The following CSMD3 variants were observed in gnomAD, a reference collection of about 807,000 sequenced individuals.
The protein encoded by CSMD3 is CUB and sushi domain-containing protein 3.
A neutral mutation model predicts 435.2 loss-of-function variants in CSMD3; 177 were observed. That is an observed-to-expected ratio of 0.41 (90% CI 0.36 to 0.46). CSMD3 has a LOEUF of 0.46. Ranked by LOEUF, CSMD3 falls within the 20% of genes least tolerant of loss-of-function variation. The probability of loss-of-function intolerance (pLI) is 0.34; values close to 1 mark genes in which losing one functional copy is unlikely to be tolerated. For synonymous variants in CSMD3, 1,656 were observed against 1,520.5 expected, an observed-to-expected ratio of 1.09 and a Z score of -2.07; for missense variants, 4,265 against 4,504.6, an observed-to-expected ratio of 0.95 and a Z score of 1.52.
At chr8:113,380,462 A>G (rs1373275707) in intron 1 of CSMD3, among the ~76,000 whole-genome samples, 1 of 152,188 alleles carries the variant, frequency 6.6e-6, no homozygotes, top group Non-Finnish European at 1.5e-5. Context: ...TAGAAAAAAA[A>G]GAAAGAATTA....
At chr8:113,195,504 TAAGTA>T (rs2092640932) in intron 3 of CSMD3, among the ~76,000 whole-genome samples, 1 of 150,830 alleles carries the variant, frequency 6.6e-6, no homozygotes, top group Non-Finnish European at 1.5e-5. Flanking sequence ...GAATTTCAGA[TAAGTA>T]AATATTTAAT....
chr8:112,473,325 G>C lies in CSMD3; in HGVS notation c.5279-618C>G, dbSNP rs138079377. ...CTGATAAACTGTATATGGGGGTCCTGTTATTCACAAGACAGGGGATGCATT... is the reference window on the plus strand; with the variant it reads ...CTGATAAACTGTATATGGGGGTCCTCTTATTCACAAGACAGGGGATGCATT... On this transcript the variant is annotated intron_variant, in intron 31 of 70. Transcript: ENST00000297405. Among the ~76,000 whole-genome samples the C allele has an allele frequency of 5.7e-3, 866 of 152,254 alleles. 13 individuals carry two copies. The highest frequency in any genetic ancestry group is 0.02 in the African/African-American group (826 of 41,540).
At chr8:112,999,220 T>G (rs1015431781) in intron 6 of CSMD3, among the ~76,000 whole-genome samples, 2 of 151,858 alleles carry the variant, frequency 1.3e-5, no homozygotes, top group African/African-American at 4.8e-5. Context: ...GGGATGGAAT[T>G]TTTTAACATC....
intron 61 of CSMD3, 94 bp downstream of exon 61, chr8:112,263,545 T>G: frequency 5.2e-6 from 5 of 953,710 alleles, no homozygotes; most frequent in Non-Finnish European, 8.2e-6. Context: ...CTTTGAACCC[T>G]AATTAGGCAT....
rs148453973 is a variant in CSMD3 at position 113,117,220 on chromosome 8, C to T, written c.710-18257G>A. 2.5e-3 allele frequency among the ~76,000 whole-genome samples: 388 copies of T among 152,300 alleles called. 2 individuals carry two copies. Among genetic ancestry groups the T allele is most frequent in the African/African-American group, 8.9e-3 (372 of 41,570 alleles). ...AAAAATGGTTTTGTGGGCTGGGCCC[C>T]GGGCCTTGCTACTTTGTGCAAGCTC... is the stretch of plus-strand genomic sequence containing the variant. On this transcript the variant is annotated intron_variant, in intron 4 of 70. Coordinates refer to ENST00000297405, the MANE Select transcript of CSMD3 (RefSeq NM_198123.2).
intron 3 of CSMD3, among the ~76,000 whole-genome samples, chr8:113,242,249 G>A (rs1234001063): frequency 1.3e-5 from 2 of 151,810 alleles, no homozygotes; most frequent in African/African-American, 2.4e-5. Context: ...ACCTACTCAT[G>A]TACATTTTAC....
At chr8:112,665,078 A>G (rs1407627547) in intron 17 of CSMD3, among the ~76,000 whole-genome samples, 1 of 152,166 alleles carries the variant, frequency 6.6e-6, no homozygotes, top group Non-Finnish European at 1.5e-5. Context: ...CTTGTAATAA[A>G]TAGCTGAGTG....
intron 31 of CSMD3, among the ~76,000 whole-genome samples, chr8:112,473,153 T>TGGTG (rs1442832183): frequency 6.6e-6 from 1 of 152,222 alleles, no homozygotes; most frequent in African/African-American, 2.4e-5. Context: ...CTCATCTAAG[T>TGGTG]ATTCTATTTT....
chr8:112,335,790 C>G (rs1824503288), intron 44 of CSMD3, among the ~76,000 whole-genome samples: 1 of 150,000 alleles, frequency 6.7e-6, no homozygotes, highest in Admixed American at 6.6e-5. Flanking sequence ...TGAGGTTTGC[C>G]CCTCTTTTAT....
At chr8:112,237,167 C>T (rs548386301) in intron 67 of CSMD3, 23 bp downstream of exon 67, 24 of 1,610,958 alleles carry the variant, frequency 1.5e-5, no homozygotes, top group African/African-American at 9.3e-5. Context: ...AGGTATATTT[C>T]GCTGCTGTTT....
chr8:112,512,658 T>A (rs142726021), intron 28 of CSMD3, among the ~76,000 whole-genome samples: 1 of 152,276 alleles, frequency 6.6e-6, no homozygotes, highest in East Asian at 1.9e-4. Context: ...TGAGCACTGG[T>A]TTTATTTTAA....
At position 113,218,548 on chromosome 8, in the gene CSMD3, C is replaced by A. The variant is rs116478275; in HGVS notation, c.515-44632G>T. On this transcript the variant is annotated intron_variant, in intron 3 of 70. Transcript: ENST00000297405. Reference sequence around the variant, plus strand: ...AAGGTTGGTTTGAGATTTTAAAAGACAACCTGTAATTTGCTACATTGAAGA... The same window carrying A: ...AAGGTTGGTTTGAGATTTTAAAAGAAAACCTGTAATTTGCTACATTGAAGA... 8.5e-3 allele frequency among the ~76,000 whole-genome samples: 1,252 copies of A among 147,848 alleles called. 17 individuals are homozygous for A. Among genetic ancestry groups the A allele is most frequent in the African/African-American group, 0.029 (1,174 of 40,614 alleles).
chr8:112,592,488 A>T (rs986347949), intron 22 of CSMD3, among the ~76,000 whole-genome samples: 8 of 152,022 alleles, frequency 5.3e-5, no homozygotes, highest in Non-Finnish European at 8.8e-5. Context: ...TTTCATAGCT[A>T]CTTTTTCCCC....
chr8:112,807,698 CA>C (rs2132367473), intron 12 of CSMD3, among the ~76,000 whole-genome samples: 1 of 152,242 alleles, frequency 6.6e-6, no homozygotes, highest in African/African-American at 2.4e-5. Context: ...TTGTAGAGCT[CA>C]CATAGAGCAG....
chr8:112,701,513 CTG>C (rs1484123020), intron 13 of CSMD3, among the ~76,000 whole-genome samples: 2 of 152,038 alleles, frequency 1.3e-5, no homozygotes, highest in African/African-American at 4.8e-5. Flanking sequence ...GAATGAGACA[CTG>C]TAAGCCAGGT....
chr8:113,200,954 A>G (rs1309080194), intron 3 of CSMD3, among the ~76,000 whole-genome samples: 1 of 151,802 alleles, frequency 6.6e-6, no homozygotes, highest in Non-Finnish European at 1.5e-5. Flanking sequence ...AGTAAGTGCT[A>G]GTTGAATTAA....
At chr8:112,225,357 A>T (rs943880021) in intron 70 of CSMD3, among the ~76,000 whole-genome samples, 4 of 152,132 alleles carry the variant, frequency 2.6e-5, no homozygotes, top group Admixed American at 6.5e-5. Context: ...TCATTTTTTT[A>T]AAAAAAGACT....
intron 3 of CSMD3, among the ~76,000 whole-genome samples, chr8:113,245,447 G>T (rs2093266684): frequency 6.6e-6 from 1 of 151,446 alleles, no homozygotes. Context: ...TTATCCTGTA[G>T]ATTAAAACAC....
chr8:113,319,320 C>T (rs2093933079), intron 1 of CSMD3, among the ~76,000 whole-genome samples: 1 of 151,960 alleles, frequency 6.6e-6, no homozygotes. Context: ...TTATGTTGAG[C>T]ATCTTTTCAT....
Sources: gnomAD v4.1 joint callset for allele counts (sites outside exome capture counted in the v4.1 genomes callset) on GRCh38, gnomAD v4.1.1 for gene constraint, MANE v1.5 for transcripts, NCBI Gene and HGNC (gene_info 2026-07-23, HGNC 2026-07-21) for gene names.